Variants in CD163L1 observed in about 807,000 individuals in gnomAD.
The protein encoded by CD163L1 is scavenger receptor cysteine-rich type 1 protein M160.
A neutral mutation model predicts 165.4 loss-of-function variants in CD163L1; 124 were observed. The observed-to-expected ratio is 0.75, with a 90% confidence interval of 0.65 to 0.87. The LOEUF is 0.87. Ranked by LOEUF, CD163L1 falls within the 40% of genes least tolerant of loss-of-function variation. The probability of loss-of-function intolerance (pLI) is 0.00; values close to 1 mark genes in which losing one functional copy is unlikely to be tolerated. For missense variants in CD163L1, 1,525 were observed against 1,799.9 expected, an observed-to-expected ratio of 0.85 and a Z score of 2.76; for synonymous variants, 585 against 662.2, an observed-to-expected ratio of 0.88 and a Z score of 1.79.
At chr12:7,327,055 A>G in the CD163L1 span, 1 of 1,611,418 alleles carries the variant, frequency 6.2e-7, no homozygotes, top group Non-Finnish European at 8.5e-7. Context: ...CTTCAGGATC[A>G]TGTGAAAAAA....
At position 7,373,484 on chromosome 12, in the gene CD163L1, T is replaced by G; in HGVS notation, c.3566A>C (p.Asn1189Thr). The change falls in exon 14 of 20, where the codon AAT becomes ACT. Residue 1189 changes from asparagine to threonine, a missense_variant. Physicochemically the swap from Asn to Thr is moderately conservative, Grantham distance 65 (BLOSUM62 0). Transcript: ENST00000313599. ...IVCRQLGCGENGVVSLAPLSK... is the reference protein window; with the variant it reads ...IVCRQLGCGETGVVSLAPLSK... ...TAAAGGGGCGAGGCTGACAACTCCA[T>G]TCTCCCCACAGCCCAGCTGCCTGCA... 6.2e-7 allele frequency: 1 copy of G among 1,614,216 alleles called. No homozygotes were observed. The highest frequency in any genetic ancestry group is 8.5e-7 in the Non-Finnish European group (1 of 1,180,032).
chr12:7,388,969 G>T (rs1236518391), intron 8 of CD163L1, among the ~76,000 whole-genome samples: 1 of 152,156 alleles, frequency 6.6e-6, no homozygotes, highest in Non-Finnish European at 1.5e-5. Context: ...GTACTCCTTT[G>T]TGTATATGTA....
At chr12:7,438,067 T>C (rs1412242958) in intron 2 of CD163L1, among the ~76,000 whole-genome samples, 2 of 152,184 alleles carry the variant, frequency 1.3e-5, no homozygotes, top group East Asian at 1.9e-4. Flanking sequence ...CATGACTGTG[T>C]TCACATTTAT....
At chr12:7,422,322 C>A (rs970931452) in intron 4 of CD163L1, among the ~76,000 whole-genome samples, 3 of 152,092 alleles carry the variant, frequency 2.0e-5, no homozygotes, top group African/African-American at 7.2e-5. Flanking sequence ...GATAAACCCA[C>A]GAAGATGAGG....
chr12:7,393,944 T>C lies in CD163L1; in HGVS notation c.2050+2151A>G, dbSNP rs1214671324. ...GAGGACACAAACAAATGGAAGAACA[T>C]TCCATGCTCATGGATAGGAAGAATC... On this transcript the variant is annotated intron_variant, in intron 8 of 19. Coordinates refer to ENST00000313599, the MANE Select transcript of CD163L1 (RefSeq NM_174941.6). Among the ~76,000 whole-genome samples, 3 of 152,114 alleles carry C rather than the reference T, an allele frequency of 2.0e-5. No individual in the cohort carries two copies. The East Asian group carries it at 5.8e-4, about 29-fold the overall frequency.
chr12:7,367,445 G>T, intron 17 of CD163L1, 114 bp from the exon 18 acceptor site: 1 of 546,370 alleles, frequency 1.8e-6, no homozygotes, highest in Non-Finnish European at 3.2e-6. Context: ...AAAATCCAAT[G>T]GCTCTTTCAG....
intron 4 of CD163L1, among the ~76,000 whole-genome samples, chr12:7,421,632 T>TATACGTGC (rs1555202513): frequency 1.9e-5 from 2 of 104,970 alleles, no homozygotes; most frequent in South Asian, 3.3e-4. Context: ...CATATATACA[T>TATACGTGC]ATATGTACAC....
the CD163L1 span, among the ~76,000 whole-genome samples, chr12:7,330,931 A>G: frequency 3.7e-4 from 57 of 152,310 alleles, no homozygotes; most frequent in Non-Finnish European, 8.8e-5. Context: ...AGTGCTGGAC[A>G]GTGGGTGCAG....
intron 4 of CD163L1, among the ~76,000 whole-genome samples, chr12:7,419,462 C>T (rs187468115): frequency 6.6e-6 from 1 of 151,678 alleles, no homozygotes; most frequent in East Asian, 1.9e-4. Flanking sequence ...CAAGGATGCC[C>T]ACTTTCACCA....
intron 4 of CD163L1, among the ~76,000 whole-genome samples, chr12:7,411,048 G>A (rs2136546882): frequency 6.6e-6 from 1 of 151,592 alleles, no homozygotes; most frequent in East Asian, 1.9e-4. Flanking sequence ...AAAGCACACA[G>A]AGACTAAGGT....
chr12:7,374,892 G>A lies in CD163L1; in HGVS notation c.3033C>T (p.Leu1011=), dbSNP rs762549876. ...GSLTQPLFPC[L]ANVSDPYLSA... ...ACAAATATGGGTCAGATACATTTGC[G>A]AGGCATGGAAACAGTGGCTGGGTCA... Residue 1011 remains leucine (L), a synonymous_variant, in exon 12 of 20, where the codon CTC becomes CTT. Coordinates refer to ENST00000313599, the MANE Select transcript of CD163L1 (RefSeq NM_174941.6). This position sits in a 1 kb window ranked among gnomAD's most constrained non-coding sequence, Gnocchi z 5.4. 1.4e-5 allele frequency: 22 copies of A among 1,613,992 alleles called. No homozygotes were observed. In the Admixed American group the frequency reaches 1.8e-4, roughly 13 times the overall value.
the CD163L1 span, chr12:7,323,513 C>G: frequency 6.2e-7 from 1 of 1,613,838 alleles, no homozygotes; most frequent in Non-Finnish European, 8.5e-7. Flanking sequence ...GGAAATTGCC[C>G]TCAGACTCAA....
intron 2 of CD163L1, among the ~76,000 whole-genome samples, chr12:7,437,395 TTACATATG>T (rs1464616236): frequency 1.3e-5 from 2 of 151,500 alleles, no homozygotes; most frequent in Non-Finnish European, 2.9e-5. Flanking sequence ...TGCAAGTTTG[TTACATATG>T]TATACATGTG....
At chr12:7,371,299 A>G (rs1238414167) in intron 14 of CD163L1, among the ~76,000 whole-genome samples, 3 of 152,230 alleles carry the variant, frequency 2.0e-5, no homozygotes, top group Non-Finnish European at 4.4e-5. Context: ...ATAAGCCAAT[A>G]GTCCTGGACA....
Position 7,369,474 on chromosome 12 carries a change from TG to T in CD163L1, c.3921del (p.Ile1308SerfsTer36). ...TTGCACCGCATGTCATCCAACCAGA[TG>T]GTTCCAGTTCCCTGGCCAAACGAAG... ...RDASFGQGTG[T>X]IWLDDMRCKG... On this transcript the variant is annotated frameshift_variant, in exon 15 of 20. Transcript: ENST00000313599. LOFTEE classifies it high-confidence loss of function. This position sits in a 1 kb window ranked among gnomAD's most constrained non-coding sequence, Gnocchi z 4.9. 6.2e-7 allele frequency: 1 copy of T among 1,614,154 alleles called. No homozygotes were observed. Among genetic ancestry groups the T allele is most frequent in the Non-Finnish European group, 8.5e-7 (1 of 1,180,030 alleles).
intron 5 of CD163L1, 86 bp from the exon 6 acceptor site, chr12:7,403,941 G>T: frequency 9.9e-7 from 1 of 1,015,076 alleles, no homozygotes; most frequent in African/African-American, 1.6e-5. Flanking sequence ...CCAATGTGAA[G>T]ATTAGATGTA....
In CD163L1 at chr12:7,372,689, T is replaced by A. The variant is rs929601796; in HGVS notation, c.3730+631A>T. 6.6e-6 allele frequency among the ~76,000 whole-genome samples: 1 copy of A among 151,796 alleles called. No individual in the cohort carries two copies. The highest frequency in any genetic ancestry group is 2.4e-5 in the African/African-American group (1 of 41,408). On this transcript the variant is annotated intron_variant, in intron 14 of 19. Coordinates refer to ENST00000313599, the MANE Select transcript of CD163L1 (RefSeq NM_174941.6). This position sits in a 1 kb window ranked among gnomAD's most constrained non-coding sequence, Gnocchi z 4.2. ...ATCTATATTTCATATACACATTTCA[T>A]ATACACAATCATAACTTTAAGTTTT...
At chr12:7,350,482 T>G (rs1946699542), downstream of CD163L1, among the ~76,000 whole-genome samples, 1 of 152,192 alleles carries the variant, frequency 6.6e-6, no homozygotes, top group South Asian at 2.1e-4. Flanking sequence ...CTTGTGATAT[T>G]CATCTATCCA....
chr12:7,337,656 G>A, the CD163L1 span, among the ~76,000 whole-genome samples: 4,530 of 152,236 alleles, frequency 0.03, 239 homozygotes, highest in African/African-American at 0.1. Context: ...TCATTAAAAA[G>A]TCAAGAAACA....
Sources: gnomAD v4.1 joint callset for allele counts (sites outside exome capture counted in the v4.1 genomes callset) on GRCh38, gnomAD v4.1.1 for gene constraint, Gnocchi (gnomAD v3.1) non-coding constraint, MANE v1.5 for transcripts, NCBI Gene and HGNC (gene_info 2026-07-23, HGNC 2026-07-21) for gene names.